Variants in DISP1 observed in about 807,000 individuals in gnomAD.
The protein encoded by DISP1 is protein dispatched homolog 1.
A neutral mutation model predicts 37.3 loss-of-function variants in DISP1; 30 were observed. That is an observed-to-expected ratio of 0.80 (90% CI 0.60 to 1.09). The LOEUF is 1.09. DISP1 is among the 50% of genes least tolerant of loss of function. DISP1 has a pLI of 0.00. For missense variants in DISP1, 1,598 were observed against 1,879.5 expected (o/e 0.85, Z 2.77); for synonymous variants, 634 against 690.2 (o/e 0.92, Z 1.28).
intron 3 of DISP1, among the ~76,000 whole-genome samples, chr1:222,975,334 C>T (rs1267947213): frequency 6.6e-6 from 1 of 152,090 alleles, no homozygotes; most frequent in African/African-American, 2.4e-5. Context: ...CTGAGACTGT[C>T]CCTTTGTAAG....
At chr1:222,964,019 TA>T (rs1043321505) in intron 3 of DISP1, among the ~76,000 whole-genome samples, 5 of 150,824 alleles carry the variant, frequency 3.3e-5, no homozygotes, top group Admixed American at 6.6e-5. Context: ...GATCCTTAAT[TA>T]AAAAAAAAGA....
At chr1:222,860,376 A>C (rs1668810565) in intron 1 of DISP1, among the ~76,000 whole-genome samples, 2 of 152,120 alleles carry the variant, frequency 1.3e-5, no homozygotes, top group South Asian at 4.1e-4. Context: ...TAAGTGATTC[A>C]CTTGGGAATA....
chr1:223,004,575 T>C lies in DISP1; in HGVS notation c.3178T>C (p.Tyr1060His). Residue 1060 changes from tyrosine to histidine, a missense_variant, in exon 9 of 9, where the codon TAC (tyrosine) becomes CAC (histidine). Transcript: ENST00000675850. This position sits in a 1 kb window ranked among gnomAD's most constrained non-coding sequence, Gnocchi z 4.9. ...CTTTGCCGTCCATTATGGGGTTGCCTACCGCTTGGCTCCAGATCCCGACCG... is the reference window on the plus strand; with the variant it reads ...CTTTGCCGTCCATTATGGGGTTGCCCACCGCTTGGCTCCAGATCCCGACCG... ...VDFAVHYGVA[Y>H]RLAPDPDREG... 9 of 1,614,202 alleles carry C rather than the reference T, an allele frequency of 5.6e-6. No individual in the cohort carries two copies. Among genetic ancestry groups the C allele is most frequent in the Non-Finnish European group, 7.6e-6 (9 of 1,180,034 alleles).
chr1:222,968,033 G>A (rs1292355190), intron 3 of DISP1, among the ~76,000 whole-genome samples: 1 of 151,808 alleles, frequency 6.6e-6, no homozygotes, highest in African/African-American at 2.4e-5. Context: ...TCTGCCCTGG[G>A]ACTTGCCTGT....
At chr1:222,919,754 A>G (rs1672707253) in intron 1 of DISP1, among the ~76,000 whole-genome samples, 1 of 152,198 alleles carries the variant, frequency 6.6e-6, no homozygotes, top group African/African-American at 2.4e-5. Context: ...CTCCCTCTAC[A>G]TTAGTGAAAT....
intron 1 of DISP1, among the ~76,000 whole-genome samples, chr1:222,891,862 A>C (rs749815117): frequency 2.6e-5 from 4 of 152,126 alleles, no homozygotes; most frequent in Middle Eastern, 3.4e-3. Context: ...GAAGGAGTAA[A>C]TATAAACAAC....
chr1:222,849,448 T>G (rs1049410585), intron 1 of DISP1, among the ~76,000 whole-genome samples: 1 of 144,084 alleles, frequency 6.9e-6, no homozygotes, highest in Non-Finnish European at 1.6e-5. Context: ...TGAGATGCAA[T>G]AGACCAAATC....
At chr1:222,922,007 G>C (rs908519312) in intron 1 of DISP1, among the ~76,000 whole-genome samples, 5 of 152,172 alleles carry the variant, frequency 3.3e-5, no homozygotes, top group Admixed American at 3.3e-4. Context: ...CATGTTGTTT[G>C]CTGTGTGTTG....
Position 222,942,832 on chromosome 1 carries a change from G to A in DISP1, c.9G>A (p.Met3Ile), listed in dbSNP as rs748317167. 1.2e-6 allele frequency: 2 copies of A among 1,614,162 alleles called. No homozygotes were observed. The highest frequency in any genetic ancestry group is 8.5e-7 in the Non-Finnish European group (1 of 1,180,034). The change falls in exon 3 of 9, where the codon ATG (methionine) becomes ATA (isoleucine). Residue 3 changes from methionine (M) to isoleucine (I), a missense_variant. Coordinates refer to ENST00000675850, the MANE Select transcript of DISP1 (RefSeq NM_001377229.1). MA[M>I]SNGNNDFVVL... Reference sequence around the variant, plus strand: ...AGTCAAGAAATTGGAGCATGGCTATGAGCAATGGAAACAATGATTTTGTGG... The same window carrying A: ...AGTCAAGAAATTGGAGCATGGCTATAAGCAATGGAAACAATGATTTTGTGG...
chr1:222,915,612 A>T (rs916008806), intron 1 of DISP1, among the ~76,000 whole-genome samples: 4 of 152,274 alleles, frequency 2.6e-5, no homozygotes, highest in Admixed American at 2.0e-4. Flanking sequence ...TTAGGAATGC[A>T]ACAAATAACT....
chr1:222,834,494 G>A (rs899470821), intron 1 of DISP1, among the ~76,000 whole-genome samples: 4 of 152,136 alleles, frequency 2.6e-5, no homozygotes, highest in Non-Finnish European at 5.9e-5. Context: ...AGTTTGGGTT[G>A]GGTCCAGGGA....
intron 1 of DISP1, among the ~76,000 whole-genome samples, chr1:222,867,529 C>T (rs1669264491): frequency 6.6e-6 from 1 of 152,126 alleles, no homozygotes; most frequent in South Asian, 2.1e-4. Context: ...TTTTAGTAAA[C>T]TCCCCTCGCT....
At chr1:222,877,835 G>C (rs760951738) in intron 1 of DISP1, among the ~76,000 whole-genome samples, 1 of 152,212 alleles carries the variant, frequency 6.6e-6, no homozygotes, top group Non-Finnish European at 1.5e-5. Context: ...TTAAGGAAAA[G>C]AGCAGGAACT....
At position 222,893,253 on chromosome 1, in the gene DISP1, A is replaced by G. The variant is rs1671036291; in HGVS notation, c.-158-35177A>G. ...TTTCTATTAAATGGATAATAACCCTATCATGGAAAAATTATTCACTGTATA... is the reference window on the plus strand; with the variant it reads ...TTTCTATTAAATGGATAATAACCCTGTCATGGAAAAATTATTCACTGTATA... On this transcript the variant is annotated intron_variant, in intron 1 of 8. Coordinates refer to ENST00000675850, the MANE Select transcript of DISP1 (RefSeq NM_001377229.1). The surrounding 1 kb of genome is among the most constrained non-coding windows in gnomAD (Gnocchi z 4.3). Among the ~76,000 whole-genome samples the G allele has an allele frequency of 6.6e-6, 1 of 152,244 alleles. No individual in the cohort carries two copies. The highest frequency in any genetic ancestry group is 1.5e-5 in the Non-Finnish European group (1 of 68,034).
intron 1 of DISP1, among the ~76,000 whole-genome samples, chr1:222,910,781 G>A (rs72742237): frequency 6.6e-6 from 1 of 152,200 alleles, no homozygotes; most frequent in East Asian, 1.9e-4. Flanking sequence ...GAAGAAATAT[G>A]TAGGATTCAG....
chr1:222,899,350 A>G (rs905071573), intron 1 of DISP1, among the ~76,000 whole-genome samples: 3 of 152,188 alleles, frequency 2.0e-5, no homozygotes, highest in African/African-American at 7.2e-5. Flanking sequence ...GAATTAGAAC[A>G]TGTCTTCTTA....
intron 1 of DISP1, among the ~76,000 whole-genome samples, chr1:222,923,921 C>T (rs980779155): frequency 6.6e-6 from 1 of 152,050 alleles, no homozygotes; most frequent in Non-Finnish European, 1.5e-5. Flanking sequence ...CTTAACTAAG[C>T]ACAAAGCAAG....
At chr1:223,000,318 A>T (rs888321197) in intron 8 of DISP1, among the ~76,000 whole-genome samples, 1 of 152,164 alleles carries the variant, frequency 6.6e-6, no homozygotes, top group Non-Finnish European at 1.5e-5. Context: ...CCTGCCATGA[A>T]AACCAGTGAG....
chr1:222,958,816 T>G (rs1233070102), intron 3 of DISP1, among the ~76,000 whole-genome samples: 6 of 152,174 alleles, frequency 3.9e-5, no homozygotes, highest in Non-Finnish European at 7.4e-5. Flanking sequence ...GATGAACATT[T>G]TGAAGTCATA....
Sources: allele counts gnomAD v4.1 joint callset (sites outside exome capture counted in the v4.1 genomes callset), GRCh38; gene constraint gnomAD v4.1.1; non-coding constraint Gnocchi (gnomAD v3.1); transcripts MANE v1.5; gene names NCBI Gene and HGNC (gene_info 2026-07-23, HGNC 2026-07-21).